APOL2: variants seen among roughly 807,000 people sequenced by gnomAD.
APOL2 encodes apolipoprotein L, 2.
A neutral mutation model predicts 7.1 loss-of-function variants in APOL2; 8 were observed. That is an observed-to-expected ratio of 1.12 (90% CI 0.66 to 2.03). The LOEUF is 2.03. APOL2 is among the 30% of genes most tolerant of loss of function. The probability of loss-of-function intolerance (pLI) is 0.00; values close to 1 mark genes in which losing one functional copy is unlikely to be tolerated. For synonymous variants in APOL2, 177 were observed against 159.9 expected, an observed-to-expected ratio of 1.11 and a Z score of -0.81; for missense variants, 471 against 415.1, an observed-to-expected ratio of 1.13 and a Z score of -1.17.
chr22:36,238,221 G>A (rs1326881908), intron 1 of APOL2, among the ~76,000 whole-genome samples: 2 of 152,242 alleles, frequency 1.3e-5, no homozygotes, highest in African/African-American at 4.8e-5. Flanking sequence ...CCCAGGTGCA[G>A]GAGGCATTAC....
chr22:36,234,404 A>G (rs1021079380), intron 1 of APOL2: 4 of 152,266 alleles, frequency 2.6e-5, no homozygotes, highest in Non-Finnish European at 5.9e-5. Context: ...TATGCAGCCC[A>G]GGCTGCTGGC....
At position 36,226,503 on chromosome 22, in the gene APOL2, G is replaced by C. The variant is rs1278200528; in HGVS notation, c.*901C>G. 6.6e-6 allele frequency: 1 copy of C among 152,358 alleles called. No homozygotes were observed. The highest frequency in any genetic ancestry group is 2.4e-5 in the African/African-American group (1 of 41,432). The allele number at this position is 152,358 out of a possible 1,614,324, so 9.4% of individuals were successfully genotyped here. Reference sequence around the variant, plus strand: ...GACATGCACCCTTTAGTAACCTGGAGGGGACCCGTCACATGACAACCACCC... The same window carrying C: ...GACATGCACCCTTTAGTAACCTGGACGGGACCCGTCACATGACAACCACCC... On this transcript the variant is annotated 3_prime_UTR_variant, in exon 5 of 5. Coordinates refer to ENST00000358502, the MANE Select transcript of APOL2 (RefSeq NM_030882.4).
Position 36,237,386 on chromosome 22 carries a change from G to A in APOL2, c.-134+2055C>T, listed in dbSNP as rs775384913. 44 of 1,257,006 alleles carry A rather than the reference G, an allele frequency of 3.5e-5. No homozygotes were observed. In the African/African-American group the frequency reaches 5.1e-4, roughly 15 times the overall value. The allele number at this position is 1,257,006 out of a possible 1,614,324, so 77.9% of individuals were successfully genotyped here. A position where few individuals can be genotyped will look rare whatever the true frequency, so the allele number is the denominator to read the frequency against. ...CTCCTTGGGCAGGGAAAGAGGAGTC[G>A]AAATGATTTCCTGAGAAATCGTCAT... is the stretch of plus-strand genomic sequence containing the variant. On this transcript the variant is annotated intron_variant, in intron 1 of 4. Transcript: ENST00000358502.
chr22:36,233,096 C>A, intron 3 of APOL2, 57 bp downstream of exon 3: 1 of 1,522,964 alleles, frequency 6.6e-7, no homozygotes, highest in Non-Finnish European at 9.1e-7. Flanking sequence ...TGTGGAGGTG[C>A]CACCCTCCAT....
At chr22:36,235,755 G>GT (rs1569532879) in intron 1 of APOL2, among the ~76,000 whole-genome samples, 88 of 99,076 alleles carry the variant, frequency 8.9e-4, no homozygotes, top group Middle Eastern at 0.013. Flanking sequence ...GTGGGTGGGT[G>GT]GGTGTGTGTG....
At chr22:36,228,556 G>A (rs1484670329) in intron 4 of APOL2, among the ~76,000 whole-genome samples, 2 of 152,100 alleles carry the variant, frequency 1.3e-5, no homozygotes, top group African/African-American at 4.8e-5. Context: ...CTCACTCAAG[G>A]GCAGGTCAAC....
chr22:36,226,663 G>GGA lies in APOL2; in HGVS notation c.*740_*741insTC, dbSNP rs386395337. 4.2e-5 allele frequency: 2 copies of GGA among 47,600 alleles called. No homozygotes were observed. The highest frequency in any genetic ancestry group is 8.5e-5 in the African/African-American group (1 of 11,820). The allele number at this position is 47,600 out of a possible 1,614,324, so 2.9% of individuals were successfully genotyped here. A position where few individuals can be genotyped will look rare whatever the true frequency, so the allele number is the denominator to read the frequency against. ...TTATTCTTGGAAGGACATCAAACCTGGGGGGGGGTCGGTAGTGGAGCTGCT... is the reference window on the plus strand; with the variant it reads ...TTATTCTTGGAAGGACATCAAACCTGGAGGGGGGGGTCGGTAGTGGAGCTGCT... On this transcript the variant is annotated 3_prime_UTR_variant, in exon 5 of 5. Transcript: ENST00000358502.
chr22:36,229,590 C>T (rs1042612320), intron 4 of APOL2, among the ~76,000 whole-genome samples: 49 of 152,270 alleles, frequency 3.2e-4, no homozygotes, highest in Non-Finnish European at 5.9e-4. Flanking sequence ...GTGTTCTTTC[C>T]CTGTGATAAA....
intron 1 of APOL2, among the ~76,000 whole-genome samples, chr22:36,238,706 G>A (rs528510745): frequency 1.5e-3 from 221 of 152,298 alleles, no homozygotes; most frequent in African/African-American, 5.1e-3. Flanking sequence ...ATTCTGCAAT[G>A]CGACCTTCTC....
upstream of APOL2, chr22:36,239,611 A>G (rs907499079): frequency 1.9e-6 from 2 of 1,071,818 alleles, no homozygotes; most frequent in Non-Finnish European, 2.8e-6. Context: ...GCAGCTCATG[A>G]CCAAGCACAG....
intron 1 of APOL2, chr22:36,237,411 T>C (rs2015444984): frequency 8.3e-7 from 1 of 1,206,274 alleles, no homozygotes; most frequent in Non-Finnish European, 1.0e-6. Context: ...GAAATCGTCA[T>C]TTTCATTTTA....
At chr22:36,229,248 C>A (rs541554842) in intron 4 of APOL2, among the ~76,000 whole-genome samples, 91 of 152,158 alleles carry the variant, frequency 6.0e-4, no homozygotes, top group Non-Finnish European at 1.0e-3. Context: ...AGCAGGAACC[C>A]CCCACTCTGG....
In APOL2 at chr22:36,235,051, G is replaced by C. The variant is rs575785082; in HGVS notation, c.-133-1596C>G. Among the ~76,000 whole-genome samples, 15 of 152,368 alleles carry C rather than the reference G, an allele frequency of 9.8e-5. No homozygotes were observed. In the South Asian group the frequency reaches 3.1e-3, roughly 32 times the overall value. The stretch of plus-strand genomic sequence containing the variant: ...AGAAATGACAACTGAATAAAGAGGG[G>C]TGAAGGGAGCTGTGAACCACAGCAA... On this transcript the variant is annotated intron_variant, in intron 1 of 4. Coordinates refer to ENST00000358502, the MANE Select transcript of APOL2 (RefSeq NM_030882.4).
intron 1 of APOL2, chr22:36,237,317 G>A (rs549698978): frequency 1.5e-6 from 2 of 1,343,154 alleles, no homozygotes; most frequent in East Asian, 2.8e-5. Context: ...CAGAGGACAG[G>A]GACTCTCAGC....
chr22:36,236,526 T>C, intron 1 of APOL2: 2 of 973,942 alleles, frequency 2.1e-6, no homozygotes, highest in Non-Finnish European at 2.4e-6. Context: ...CTATAAGTAA[T>C]AATGATAATA....
intron 1 of APOL2, chr22:36,236,529 T>C: frequency 3.1e-6 from 3 of 976,876 alleles, no homozygotes; most frequent in African/African-American, 1.8e-5. Context: ...TAAGTAATAA[T>C]GATAATACCG....
At chr22:36,229,815 C>T (rs1956452031) in intron 4 of APOL2, among the ~76,000 whole-genome samples, 1 of 152,242 alleles carries the variant, frequency 6.6e-6, no homozygotes, top group Admixed American at 6.5e-5. Flanking sequence ...CTGGCATCTG[C>T]TCCCTTCCAA....
Position 36,227,259 on chromosome 22 carries a change from T to C in APOL2, c.*145A>G, listed in dbSNP as rs2015028458. ...TGAACCCGGGAGGCGGAGTTTGCAG[T>C]GAGCCGAGATTGAGCCACTGCACTC... On this transcript the variant is annotated 3_prime_UTR_variant, in exon 5 of 5. Transcript: ENST00000358502. 4 of 1,000,950 alleles carry C rather than the reference T, an allele frequency of 4.0e-6. No homozygotes were observed. In the South Asian group the frequency reaches 5.9e-5, roughly 15 times the overall value. The allele number at this position is 1,000,950 out of a possible 1,614,324, so 62.0% of individuals were successfully genotyped here. A position where few individuals can be genotyped will look rare whatever the true frequency, so the allele number is the denominator to read the frequency against.
At position 36,227,339 on chromosome 22, in the gene APOL2, AAAG is replaced by A; in HGVS notation, c.*62_*64del. On this transcript the variant is annotated 3_prime_UTR_variant, in exon 5 of 5. Coordinates refer to ENST00000358502, the MANE Select transcript of APOL2 (RefSeq NM_030882.4). ...TCAAAAAAAAAAAAAAAAAAAAAAA[AAAG>A]TCTGCATTTTGTCCTGGCCTGTGCC... is the stretch of plus-strand genomic sequence containing the variant. 4 of 1,363,882 alleles carry A rather than the reference AAAG, an allele frequency of 2.9e-6. No homozygotes were observed. Among genetic ancestry groups the A allele is most frequent in the South Asian group, 1.5e-5 (1 of 66,190 alleles). The allele number at this position is 1,363,882 out of a possible 1,614,324, so 84.5% of individuals were successfully genotyped here. A position where few individuals can be genotyped will look rare whatever the true frequency, so the allele number is the denominator to read the frequency against.
Sources: allele counts gnomAD v4.1 joint callset (sites outside exome capture counted in the v4.1 genomes callset), GRCh38; gene constraint gnomAD v4.1.1; transcripts MANE v1.5; gene names NCBI Gene and HGNC (gene_info 2026-07-23, HGNC 2026-07-21).